The following DAPK1 variants were observed in gnomAD, a reference collection of about 807,000 sequenced individuals.
DAPK1 encodes the protein death associated protein kinase 1.
Under a neutral mutation model 144.9 loss-of-function variants are expected in DAPK1, and 56 were observed. That is an observed-to-expected ratio of 0.39 (90% CI 0.31 to 0.48). The LOEUF (loss-of-function observed/expected upper bound fraction) is 0.48. Ranked by LOEUF, DAPK1 falls within the 20% of genes least tolerant of loss-of-function variation. The probability of loss-of-function intolerance (pLI) is 0.95; values close to 1 mark genes in which losing one functional copy is unlikely to be tolerated. For missense variants in DAPK1, 1,454 were observed against 1,875.4 expected (o/e 0.78, Z 4.15); for synonymous variants, 690 against 749.0 (o/e 0.92, Z 1.29).
intron 2 of DAPK1, among the ~76,000 whole-genome samples, chr9:87,563,032 G>A (rs1481352811): frequency 1.3e-5 from 2 of 152,164 alleles, no homozygotes; most frequent in African/African-American, 4.8e-5. Flanking sequence ...GTGATGATCC[G>A]CCTAGAGATT....
At chr9:87,692,975 TTTTTTTTTTTTTTTTTC>T in intron 21 of DAPK1, among the ~76,000 whole-genome samples, 3 of 131,782 alleles carry the variant, frequency 2.3e-5, no homozygotes, top group Admixed American at 7.7e-5. Flanking sequence ...TTTTTTTTTT[TTTTTTTTTTTTTTTTTC>T]TGTTTTCAGA....
intron 2 of DAPK1, among the ~76,000 whole-genome samples, chr9:87,502,957 AG>A (rs1018782018): frequency 1.3e-5 from 2 of 152,186 alleles, no homozygotes; most frequent in African/African-American, 4.8e-5. Context: ...GAGCTAATGC[AG>A]TTTGGCAAGT....
chr9:87,524,997 G>C (rs1825437181), intron 2 of DAPK1, among the ~76,000 whole-genome samples: 2 of 152,146 alleles, frequency 1.3e-5, no homozygotes, highest in South Asian at 4.1e-4. Context: ...TAAAGAACTT[G>C]CTCATGTAAC....
chr9:87,662,098 G>T (rs894137365), intron 18 of DAPK1, among the ~76,000 whole-genome samples: 2 of 152,156 alleles, frequency 1.3e-5, no homozygotes, highest in African/African-American at 4.8e-5. Flanking sequence ...TCCAGTGTAT[G>T]TTCTTATCAG....
At chr9:87,543,290 A>G (rs1158320526) in intron 2 of DAPK1, among the ~76,000 whole-genome samples, 1 of 152,260 alleles carries the variant, frequency 6.6e-6, no homozygotes, top group Non-Finnish European at 1.5e-5. Context: ...AGACCTTCAC[A>G]CAAAAACAAA....
intron 3 of DAPK1, among the ~76,000 whole-genome samples, chr9:87,622,524 A>G (rs1829333545): frequency 1.3e-5 from 2 of 150,680 alleles, no homozygotes; most frequent in African/African-American, 4.9e-5. Flanking sequence ...CTCTTCCCTG[A>G]AAGGGGAAGA....
At chr9:87,548,123 A>C (rs1826329368) in intron 2 of DAPK1, among the ~76,000 whole-genome samples, 1 of 152,212 alleles carries the variant, frequency 6.6e-6, no homozygotes, top group African/African-American at 2.4e-5. Flanking sequence ...ATGCAGCACA[A>C]AGAGTAAGGC....
At chr9:87,675,715 C>T (rs904315337) in intron 19 of DAPK1, among the ~76,000 whole-genome samples, 5 of 152,062 alleles carry the variant, frequency 3.3e-5, no homozygotes, top group South Asian at 2.1e-4. Flanking sequence ...GGAGATGTGA[C>T]GGTGCTTGGA....
At chr9:87,544,635 A>G (rs1587704505) in intron 2 of DAPK1, among the ~76,000 whole-genome samples, 1 of 152,134 alleles carries the variant, frequency 6.6e-6, no homozygotes, top group Admixed American at 6.5e-5. Flanking sequence ...TAGTGGCTGT[A>G]ACATTTATTT....
At chr9:87,641,567 A>G (rs979417961) in intron 9 of DAPK1, among the ~76,000 whole-genome samples, 1 of 152,186 alleles carries the variant, frequency 6.6e-6, no homozygotes, top group Non-Finnish European at 1.5e-5. Context: ...AAAAAGATAC[A>G]ATACAAGGAA....
At position 87,498,090 on chromosome 9, in the gene DAPK1, G is replaced by A. The variant is rs1824245626; in HGVS notation, c.-126G>A. 3 of 397,710 alleles carry A rather than the reference G, an allele frequency of 7.5e-6. No homozygotes were observed. Among genetic ancestry groups the A allele is most frequent in the South Asian group, 1.3e-4 (1 of 7,580 alleles). 24.6% of individuals were successfully genotyped at this position (397,710 alleles called of 1,614,324 possible). ...CGACAGCGCTCCGGAGGGACCGGGG[G>A]AGCTCCCAGGCGCCCGGGTGAGTAG... On this transcript the variant is annotated 5_prime_UTR_variant, in exon 1 of 26. Coordinates refer to ENST00000408954, the MANE Select transcript of DAPK1 (RefSeq NM_004938.4).
chr9:87,630,687 A>G (rs575143513), intron 3 of DAPK1, among the ~76,000 whole-genome samples: 86 of 152,290 alleles, frequency 5.6e-4, no homozygotes, highest in Middle Eastern at 6.8e-3. Context: ...GGCCTGCAAG[A>G]AACAGGGTAG....
chr9:87,520,964 C>T (rs1825277425), intron 2 of DAPK1, among the ~76,000 whole-genome samples: 2 of 152,170 alleles, frequency 1.3e-5, no homozygotes, highest in African/African-American at 4.8e-5. Flanking sequence ...TTTACTGTGG[C>T]CAACCTATGA....
At chr9:87,586,254 C>T (rs1033311393) in intron 2 of DAPK1, among the ~76,000 whole-genome samples, 5 of 152,172 alleles carry the variant, frequency 3.3e-5, no homozygotes, top group African/African-American at 1.2e-4. Context: ...CGCCCCACTG[C>T]ACTCCAGCCT....
At chr9:87,698,890 C>T in intron 23 of DAPK1, 96 bp downstream of exon 23, 1 of 731,518 alleles carries the variant, frequency 1.4e-6, no homozygotes. Flanking sequence ...GTCTCATGAA[C>T]CAGAGAAAGG....
At chr9:87,529,801 T>A (rs1825642329) in intron 2 of DAPK1, among the ~76,000 whole-genome samples, 1 of 152,084 alleles carries the variant, frequency 6.6e-6, no homozygotes, top group South Asian at 2.1e-4. Context: ...AGGAGGCGAG[T>A]CCCTGTCACC....
chr9:87,691,737 C>T (rs1825060563), intron 21 of DAPK1, among the ~76,000 whole-genome samples: 1 of 151,994 alleles, frequency 6.6e-6, no homozygotes, highest in African/African-American at 2.4e-5. Flanking sequence ...TCTTTCTTGA[C>T]CCTGTGGTCA....
chr9:87,671,750 G>A (rs1255099166), intron 19 of DAPK1, among the ~76,000 whole-genome samples: 1 of 152,188 alleles, frequency 6.6e-6, no homozygotes, highest in Non-Finnish European at 1.5e-5. Context: ...CTGGCTTTTA[G>A]TGATCTTCCT....
At chr9:87,680,822 G>T (rs1372224954) in intron 19 of DAPK1, among the ~76,000 whole-genome samples, 3 of 152,190 alleles carry the variant, frequency 2.0e-5, no homozygotes, top group Non-Finnish European at 4.4e-5. Context: ...CACGGGTACA[G>T]AGCTTCCTTT....
Sources: allele counts gnomAD v4.1 joint callset (sites outside exome capture counted in the v4.1 genomes callset), GRCh38; gene constraint gnomAD v4.1.1; transcripts MANE v1.5; gene names NCBI Gene and HGNC (gene_info 2026-07-23, HGNC 2026-07-21).